Variants in ADGRF3 observed in about 807,000 individuals in gnomAD.
ADGRF3 encodes the protein G protein-coupled receptor 113.
Under a neutral mutation model 93.2 loss-of-function variants are expected in ADGRF3, and 85 were observed. The observed-to-expected ratio is 0.91, with a 90% CI of 0.77 to 1.09. The LOEUF (loss-of-function observed/expected upper bound fraction) is 1.09, where lower values mean the gene tolerates loss of function less well. ADGRF3 is among the 50% of genes least tolerant of loss of function. The probability of loss-of-function intolerance (pLI) is 0.00; values close to 1 mark genes in which losing one functional copy is unlikely to be tolerated. For synonymous variants in ADGRF3, 534 were observed against 532.5 expected, an observed-to-expected ratio of 1.00 and a Z score of -0.04; for missense variants, 1,125 against 1,246.2, an observed-to-expected ratio of 0.90 and a Z score of 1.46.
chr2:26,317,164 C>A, intron 2 of ADGRF3, 109 bp from the exon 3 acceptor site: 1 of 1,169,588 alleles, frequency 8.6e-7, no homozygotes, highest in Non-Finnish European at 1.2e-6. Context: ...AGAGCAGACC[C>A]CCTCCCACAG....
intron 1 of ADGRF3, among the ~76,000 whole-genome samples, chr2:26,324,582 T>C (rs190048842): frequency 4.4e-4 from 67 of 152,348 alleles, no homozygotes; most frequent in African/African-American, 1.6e-3. Flanking sequence ...TATTTGGTTT[T>C]CTGTTCTTGT....
At chr2:26,315,494 G>T (rs1382373598) in intron 5 of ADGRF3, 28 bp downstream of exon 5, 3 of 1,537,988 alleles carry the variant, frequency 2.0e-6, no homozygotes, top group Non-Finnish European at 1.8e-6. Context: ...GAAGGAGAAA[G>T]GAGGCAAGGA....
At chr2:26,341,062 T>C (rs1676368608) in intron 1 of ADGRF3, among the ~76,000 whole-genome samples, 1 of 152,134 alleles carries the variant, frequency 6.6e-6, no homozygotes, top group African/African-American at 2.4e-5. Flanking sequence ...TTTGGTAGGT[T>C]AAGACCACAA....
In ADGRF3 at chr2:26,308,463, A is replaced by G. The variant is rs1005205348; in HGVS notation, c.*623T>C. On this transcript the variant is annotated 3_prime_UTR_variant, in exon 14 of 14. Coordinates refer to ENST00000651242, the MANE Select transcript of ADGRF3 (RefSeq NM_001321971.2). ...TTATATTAAACTTTAAATTTTTATA[A>G]CCTATTCTTACAACGTGCTCATATC... 41 of 152,268 alleles carry G rather than the reference A, an allele frequency of 2.7e-4. No homozygotes were observed. The highest frequency in any genetic ancestry group is 9.4e-4 in the African/African-American group (39 of 41,568). 9.4% of individuals were successfully genotyped at this position (152,268 alleles called of 1,614,324 possible). A position where few individuals can be genotyped will look rare whatever the true frequency, so the allele number is the denominator to read the frequency against.
Position 26,346,413 on chromosome 2 carries a change from C to T in ADGRF3, c.-179G>A. On this transcript the variant is annotated 5_prime_UTR_variant, in exon 1 of 14. Transcript: ENST00000651242. ...GCTCCGGGCGGGCTGGCGGGCGTTC[C>T]TCCGGAGGTCCTGCGGGTCCTGGGG... The T allele has an allele frequency of 1.6e-6, 2 of 1,213,364 alleles. No homozygotes were observed. The highest frequency in any genetic ancestry group is 2.2e-6 in the Non-Finnish European group (2 of 910,654). The allele number at this position is 1,213,364 out of a possible 1,614,324, so 75.2% of individuals were successfully genotyped here. A position where few individuals can be genotyped will look rare whatever the true frequency, so the allele number is the denominator to read the frequency against.
At chr2:26,343,959 T>C (rs913037442) in intron 1 of ADGRF3, among the ~76,000 whole-genome samples, 3 of 152,366 alleles carry the variant, frequency 2.0e-5, no homozygotes, top group Non-Finnish European at 4.4e-5. Context: ...GTTACTGTTT[T>C]AAAAAGTGCT....
chr2:26,338,443 G>C (rs7576465), intron 1 of ADGRF3, among the ~76,000 whole-genome samples: 4,507 of 152,154 alleles, frequency 0.03, 108 homozygotes, highest in Middle Eastern at 0.065. Flanking sequence ...CCCTGCTTGG[G>C]GACCATGTCT....
rs74962505 is a variant in ADGRF3 at position 26,311,454 on chromosome 2, G to A, written c.2070C>T (p.Leu690=). ...CTTCCGGAACAGTGTGTGGGGACAT[G>A]AGGACGGAGAAGGCAGTGAGGTGCT... The part of the protein sequence containing the change: ...LCQHLTAFSV[L]MSPHTVPEEP... The change falls in exon 10 of 14, where the codon CTC becomes CTT. Residue 690 remains leucine, a synonymous_variant. Transcript: ENST00000651242. 0.015 allele frequency: 23,845 copies of A among 1,614,064 alleles called. 366 individuals are homozygous for A. The highest frequency in any genetic ancestry group is 0.074 in the African/African-American group (5,525 of 75,058).
At position 26,338,030 on chromosome 2, in the gene ADGRF3, AAAAT is replaced by A. The variant is rs566394449; in HGVS notation, c.114+8087_114+8090del. ...CAAAGCAAGACTCGGTCTCAAAAAT[AAAAT>A]AAATAAATAAATAGATAAATAAATA... On this transcript the variant is annotated intron_variant, in intron 1 of 13. Coordinates refer to ENST00000651242, the MANE Select transcript of ADGRF3 (RefSeq NM_001321971.2). 3.6e-3 allele frequency among the ~76,000 whole-genome samples: 549 copies of A among 152,270 alleles called. 5 individuals carry two copies. Among genetic ancestry groups the A allele is most frequent in the Middle Eastern group, 0.017 (5 of 294 alleles).
At chr2:26,337,973 A>G (rs1206387794) in intron 1 of ADGRF3, among the ~76,000 whole-genome samples, 1 of 152,192 alleles carries the variant, frequency 6.6e-6, no homozygotes, top group Non-Finnish European at 1.5e-5. Context: ...CAGTGAGCCG[A>G]GATCGTGCCA....
intron 8 of ADGRF3, 102 bp downstream of exon 8, chr2:26,313,275 C>A: frequency 7.0e-7 from 1 of 1,432,510 alleles, no homozygotes; most frequent in East Asian, 2.4e-5. Flanking sequence ...AGCTGAACAG[C>A]CTGTGGGCTG....
At position 26,308,417 on chromosome 2, in the gene ADGRF3, A is replaced by G. The variant is rs1673733150; in HGVS notation, c.*669T>C. On this transcript the variant is annotated 3_prime_UTR_variant, in exon 14 of 14. Coordinates refer to ENST00000651242, the MANE Select transcript of ADGRF3 (RefSeq NM_001321971.2). ...GTATTCATTTTTAAATATAAATTAA[A>G]CTTTATTAATTGATATAAATTTATA... is the stretch of plus-strand genomic sequence containing the variant. The G allele has an allele frequency of 6.6e-6, 1 of 152,038 alleles. No homozygotes were observed. The highest frequency in any genetic ancestry group is 2.4e-5 in the African/African-American group (1 of 41,434). The allele number at this position is 152,038 out of a possible 1,614,324, so 9.4% of individuals were successfully genotyped here.
chr2:26,309,725 T>C, intron 12 of ADGRF3, 144 bp from the exon 13 acceptor site: 1 of 1,241,364 alleles, frequency 8.1e-7, no homozygotes, highest in South Asian at 1.4e-5. Context: ...TCAGCTACAG[T>C]AACTCCCATG....
chr2:26,338,146 C>T (rs1287694519), intron 1 of ADGRF3, among the ~76,000 whole-genome samples: 1 of 151,814 alleles, frequency 6.6e-6, no homozygotes, highest in African/African-American at 2.4e-5. Context: ...ATTCTCTGTC[C>T]AAGACAAAAT....
In ADGRF3 at chr2:26,321,700, G is replaced by A. The variant is rs1028618676; in HGVS notation, c.115-4138C>T. On this transcript the variant is annotated intron_variant, in intron 1 of 13. Transcript: ENST00000651242. ...TAGAAAGCTAATAGAGGCTGGGCGCGGTGGCTCACACCTGTAATCCCAGCA... is the reference window on the plus strand; with the variant it reads ...TAGAAAGCTAATAGAGGCTGGGCGCAGTGGCTCACACCTGTAATCCCAGCA... Among the ~76,000 whole-genome samples the A allele has an allele frequency of 4.6e-5, 7 of 151,988 alleles. No individual in the cohort carries two copies. In the East Asian group the frequency reaches 9.7e-4, roughly 21 times the overall value.
rs1210730827 is a variant in ADGRF3, at chr2:26,325,843, T to TATTTTATA, written c.115-8289_115-8282dup. Among the ~76,000 whole-genome samples the TATTTTATA allele has an allele frequency of 2.0e-5, 3 of 152,214 alleles. No individual in the cohort carries two copies. The East Asian group carries it at 5.8e-4, about 29-fold the overall frequency. ...TTTATTAAAACCCATTAATGAAAAT[T>TATTTTATA]ATTTTATAATTTTGGAGGTATAGAT... is the stretch of plus-strand genomic sequence containing the variant. On this transcript the variant is annotated intron_variant, in intron 1 of 13. Transcript: ENST00000651242.
chr2:26,329,117 G>A (rs989052999), intron 1 of ADGRF3, among the ~76,000 whole-genome samples: 40 of 152,194 alleles, frequency 2.6e-4, no homozygotes, highest in Admixed American at 3.3e-4. Context: ...AGCACAGGTT[G>A]AACTGATGCA....
At chr2:26,316,719 AG>A (rs1674717843) in intron 3 of ADGRF3, among the ~76,000 whole-genome samples, 192 bp downstream of exon 3, 1 of 152,120 alleles carries the variant, frequency 6.6e-6, no homozygotes, top group Admixed American at 6.5e-5. Flanking sequence ...GTTAGAAGAT[AG>A]GGGGATGTGG....
At chr2:26,325,975 A>G (rs112452062) in intron 1 of ADGRF3, among the ~76,000 whole-genome samples, 10 of 152,366 alleles carry the variant, frequency 6.6e-5, no homozygotes, top group African/African-American at 2.2e-4. Context: ...GCAAGATGGT[A>G]GTATTACTCC....
Sources: gnomAD v4.1 joint callset for allele counts (sites outside exome capture counted in the v4.1 genomes callset) on GRCh38, gnomAD v4.1.1 for gene constraint, MANE v1.5 for transcripts, NCBI Gene and HGNC (gene_info 2026-07-23, HGNC 2026-07-21) for gene names.